AUTS2: variants seen among roughly 807,000 people sequenced by gnomAD.
The protein encoded by AUTS2 is autism susceptibility gene 2 protein.
In AUTS2, 17 loss-of-function variants were observed where a neutral mutation model predicts 112.4. The ratio of observed to expected loss-of-function variants is 0.15; its 90% CI spans 0.10 to 0.23. The LOEUF is 0.23. AUTS2 is among the 10% of genes least tolerant of loss of function. The pLI, the probability that AUTS2 is intolerant of heterozygous loss-of-function variation, is 1.00. For synonymous variants in AUTS2, 751 were observed against 702.7 expected (o/e 1.07, Z -1.09); for missense variants, 1,510 against 1,701.6 (o/e 0.89, Z 1.98).
At chr7:69,691,446 C>G (rs1012927906) in intron 1 of AUTS2, among the ~76,000 whole-genome samples, 4 of 152,180 alleles carry the variant, frequency 2.6e-5, no homozygotes, top group African/African-American at 9.7e-5. Flanking sequence ...TTCCCTCCTG[C>G]ACCTGTTTGC....
intron 2 of AUTS2, among the ~76,000 whole-genome samples, chr7:69,957,984 T>A (rs545118749): frequency 2.0e-5 from 3 of 152,250 alleles, no homozygotes; most frequent in African/African-American, 7.2e-5. Flanking sequence ...GTAACAGCCC[T>A]GGTGGTGAGG....
rs1032820758 is a variant in AUTS2 at position 70,792,991 on chromosome 7, C to T, written c.*1995C>T. On this transcript the variant is annotated 3_prime_UTR_variant, in exon 19 of 19. Coordinates refer to ENST00000342771, the MANE Select transcript of AUTS2 (RefSeq NM_015570.4). ...ACCCAGCCCGTGTAAGAACAGAAGG[C>T]TCACCTGCAGTGGCTGACCACCCTA... is the stretch of plus-strand genomic sequence containing the variant. 1 of 152,582 alleles carries T rather than the reference C, an allele frequency of 6.6e-6. No homozygotes were observed. The highest frequency in any genetic ancestry group is 1.5e-5 in the Non-Finnish European group (1 of 68,060). The allele number at this position is 152,582 out of a possible 1,614,324, so 9.5% of individuals were successfully genotyped here.
At chr7:70,771,489 T>C in intron 10 of AUTS2, 60 bp from the exon 11 acceptor site, 2 of 1,422,818 alleles carry the variant, frequency 1.4e-6, no homozygotes, top group South Asian at 2.5e-5. Flanking sequence ...GACGGGAATT[T>C]GAATATGTCA....
At chr7:70,006,535 A>G (rs1799551553) in intron 2 of AUTS2, among the ~76,000 whole-genome samples, 1 of 152,094 alleles carries the variant, frequency 6.6e-6, no homozygotes, top group Non-Finnish European at 1.5e-5. Flanking sequence ...GTCATTTCCC[A>G]TCTTGTCACT....
At chr7:69,779,991 G>A (rs1789078382) in intron 1 of AUTS2, among the ~76,000 whole-genome samples, 1 of 151,928 alleles carries the variant, frequency 6.6e-6, no homozygotes, top group South Asian at 2.1e-4. Flanking sequence ...CAGCAGCTGA[G>A]ACTACAGGTG....
At chr7:69,802,605 C>A (rs149160194) in intron 1 of AUTS2, among the ~76,000 whole-genome samples, 1 of 152,290 alleles carries the variant, frequency 6.6e-6, no homozygotes, top group Non-Finnish European at 1.5e-5. Flanking sequence ...TGGAGAGGAA[C>A]TTTAGGTTCT....
intron 2 of AUTS2, among the ~76,000 whole-genome samples, chr7:69,961,777 C>G (rs1009053626): frequency 6.6e-6 from 1 of 152,058 alleles, no homozygotes; most frequent in Admixed American, 6.6e-5. Flanking sequence ...CTCTTCCTCT[C>G]AAAAGAAGAT....
chr7:70,400,430 C>T (rs777029569), intron 4 of AUTS2, among the ~76,000 whole-genome samples: 35 of 152,050 alleles, frequency 2.3e-4, no homozygotes, highest in East Asian at 5.8e-4. Flanking sequence ...TCTAGCCTGT[C>T]GCAACATTTG....
chr7:69,888,021 A>G (rs1794351774), intron 1 of AUTS2, among the ~76,000 whole-genome samples: 1 of 152,110 alleles, frequency 6.6e-6, no homozygotes, highest in African/African-American at 2.4e-5. Flanking sequence ...CTACAAAGGA[A>G]TACCTGAGGC....
chr7:70,517,193 C>T (rs1292160712), intron 5 of AUTS2, among the ~76,000 whole-genome samples: 2 of 152,198 alleles, frequency 1.3e-5, no homozygotes, highest in Non-Finnish European at 1.5e-5. Context: ...TCCTCTTCAG[C>T]CTTGACCAGG....
At chr7:70,064,570 C>T (rs1802403397) in intron 2 of AUTS2, among the ~76,000 whole-genome samples, 1 of 152,210 alleles carries the variant, frequency 6.6e-6, no homozygotes, top group Admixed American at 6.5e-5. Context: ...TTTCTTCACA[C>T]AAATGCCCTC....
chr7:70,590,078 A>G (rs1263965795), intron 5 of AUTS2, among the ~76,000 whole-genome samples: 1 of 151,854 alleles, frequency 6.6e-6, no homozygotes, highest in Non-Finnish European at 1.5e-5. Context: ...CACCCAGGTT[A>G]GTAGTGACCT....
chr7:69,845,040 G>T (rs752794562), intron 1 of AUTS2, among the ~76,000 whole-genome samples: 3 of 152,128 alleles, frequency 2.0e-5, no homozygotes, highest in Non-Finnish European at 4.4e-5. Context: ...ATGGGAATAG[G>T]AGGCCCAGGG....
intron 4 of AUTS2, among the ~76,000 whole-genome samples, chr7:70,202,991 A>G (rs1387584787): frequency 3.9e-4 from 47 of 120,472 alleles, no homozygotes; most frequent in African/African-American, 1.4e-3. Flanking sequence ...TGTGGCACAT[A>G]TACACCATGG....
At chr7:70,178,777 C>T (rs995629201) in intron 4 of AUTS2, among the ~76,000 whole-genome samples, 7 of 151,518 alleles carry the variant, frequency 4.6e-5, no homozygotes, top group African/African-American at 1.5e-4. Flanking sequence ...CCAACCTGGG[C>T]GACAGAGGGA....
chr7:70,030,198 C>T (rs1303248650), intron 2 of AUTS2, among the ~76,000 whole-genome samples: 1 of 152,146 alleles, frequency 6.6e-6, no homozygotes, highest in Non-Finnish European at 1.5e-5. Flanking sequence ...ATCTGCATCA[C>T]GTGACCATGT....
chr7:69,686,646 G>T (rs1797079291), intron 1 of AUTS2, among the ~76,000 whole-genome samples: 1 of 152,134 alleles, frequency 6.6e-6, no homozygotes, highest in African/African-American at 2.4e-5. Flanking sequence ...TAAGTAATTT[G>T]GGTATGCTGT....
intron 5 of AUTS2, among the ~76,000 whole-genome samples, chr7:70,648,745 C>T (rs553787662): frequency 4.3e-4 from 66 of 152,194 alleles, no homozygotes; most frequent in African/African-American, 1.6e-3. Context: ...CCACGCTCAG[C>T]TAATTTTTTT....
chr7:69,998,469 GT>G (rs1431769287), intron 2 of AUTS2, among the ~76,000 whole-genome samples: 1 of 152,136 alleles, frequency 6.6e-6, no homozygotes, highest in Non-Finnish European at 1.5e-5. Context: ...ATTTTCCTTG[GT>G]TTTCATGTAT....
Sources: allele counts gnomAD v4.1 joint callset (sites outside exome capture counted in the v4.1 genomes callset), GRCh38; gene constraint gnomAD v4.1.1; transcripts MANE v1.5; gene names NCBI Gene and HGNC (gene_info 2026-07-23, HGNC 2026-07-21).